The following MYPN variants were observed in gnomAD, a reference collection of about 807,000 sequenced individuals.
MYPN encodes the protein myopalladin.
MYPN carries 63 observed loss-of-function variants against 129.4 expected under a neutral mutation model. The observed-to-expected ratio is 0.49, with a 90% CI of 0.40 to 0.60. The LOEUF (loss-of-function observed/expected upper bound fraction) is 0.60. MYPN is among the 20% of genes least tolerant of loss of function. MYPN has a pLI of 0.00. For missense variants in MYPN, 1,596 were observed against 1,635.4 expected (o/e 0.98, Z 0.42); for synonymous variants, 629 against 600.9 (o/e 1.05, Z -0.68).
chr10:68,173,898 C>G (rs1265755258), intron 10 of MYPN, among the ~76,000 whole-genome samples, 168 bp from the exon 11 acceptor site: 1 of 150,542 alleles, frequency 6.6e-6, no homozygotes, highest in East Asian at 2.0e-4. Flanking sequence ...AACTCCTGGA[C>G]TCAAGTGATC....
chr10:68,147,176 A>G (rs2042680618), intron 4 of MYPN, among the ~76,000 whole-genome samples: 1 of 152,140 alleles, frequency 6.6e-6, no homozygotes, highest in South Asian at 2.1e-4. Flanking sequence ...TTATTTTGAG[A>G]CAGAGTGTTG....
At chr10:68,181,765 T>C (rs569272909) in intron 12 of MYPN, among the ~76,000 whole-genome samples, 1 of 152,190 alleles carries the variant, frequency 6.6e-6, no homozygotes, top group Admixed American at 6.5e-5. Flanking sequence ...AAGCCAAGCT[T>C]GCTCCTCACT....
upstream of MYPN, among the ~76,000 whole-genome samples, chr10:68,103,829 A>G (rs1358177111): frequency 1.3e-5 from 2 of 152,196 alleles, no homozygotes; most frequent in Non-Finnish European, 2.9e-5. Context: ...AGGCGCCTGT[A>G]ATCCCAGCTA....
chr10:68,117,311 C>T (rs2042172819), intron 1 of MYPN, among the ~76,000 whole-genome samples: 1 of 151,586 alleles, frequency 6.6e-6, no homozygotes, highest in Non-Finnish European at 1.5e-5. Context: ...ATTTATTGAC[C>T]ACCTTCTATG....
chr10:68,132,381 T>G (rs975144330), intron 2 of MYPN, among the ~76,000 whole-genome samples: 1 of 152,206 alleles, frequency 6.6e-6, no homozygotes, highest in South Asian at 2.1e-4. Context: ...TTTCAAGATT[T>G]GGTTTGCTAA....
chr10:68,150,286 A>G (rs1445780015), intron 6 of MYPN, among the ~76,000 whole-genome samples, 175 bp downstream of exon 6: 1 of 152,120 alleles, frequency 6.6e-6, no homozygotes, highest in Non-Finnish European at 1.5e-5. Context: ...CAGATTTCCA[A>G]TAACAGTTTT....
chr10:68,178,264 G>A (rs2043259016), intron 12 of MYPN, among the ~76,000 whole-genome samples: 2 of 152,134 alleles, frequency 1.3e-5, no homozygotes, highest in African/African-American at 4.8e-5. Context: ...TCTTTGAGTT[G>A]GGGATGAGCC....
At chr10:68,164,080 G>T (rs747634980) in intron 8 of MYPN, among the ~76,000 whole-genome samples, 4 of 152,210 alleles carry the variant, frequency 2.6e-5, no homozygotes, top group Non-Finnish European at 5.9e-5. Context: ...GGAGGATGAA[G>T]AGTTACTGAG....
intron 12 of MYPN, among the ~76,000 whole-genome samples, chr10:68,187,509 C>T (rs1469521738): frequency 1.3e-5 from 2 of 152,110 alleles, no homozygotes; most frequent in Non-Finnish European, 2.9e-5. Context: ...AATCACTCAA[C>T]CAAGTGGTGA....
chr10:68,141,982 G>A (rs937748486), intron 2 of MYPN, among the ~76,000 whole-genome samples: 4 of 152,162 alleles, frequency 2.6e-5, no homozygotes, highest in Non-Finnish European at 5.9e-5. Flanking sequence ...GAGGATGAAC[G>A]CCTGAATGGT....
intron 12 of MYPN, among the ~76,000 whole-genome samples, chr10:68,185,228 AGAAAGG>A (rs2043402646): frequency 6.6e-6 from 1 of 150,570 alleles, no homozygotes; most frequent in Non-Finnish European, 1.5e-5. Flanking sequence ...TGAAAAGAAA[AGAAAGG>A]AAAGGAAAGG....
At chr10:68,208,003 C>T (rs2043845169) in intron 19 of MYPN, among the ~76,000 whole-genome samples, 1 of 152,154 alleles carries the variant, frequency 6.6e-6, no homozygotes, top group Non-Finnish European at 1.5e-5. Flanking sequence ...GGAAGCAAAT[C>T]TAGGCCTTTG....
At chr10:68,116,359 A>G (rs1242776650) in intron 1 of MYPN, among the ~76,000 whole-genome samples, 1 of 152,206 alleles carries the variant, frequency 6.6e-6, no homozygotes, top group Non-Finnish European at 1.5e-5. Flanking sequence ...TTTTCATCTG[A>G]GAATCCTCAA....
chr10:68,097,982 A>G (rs1309805553), intron 1 of MYPN, among the ~76,000 whole-genome samples: 1 of 152,196 alleles, frequency 6.6e-6, no homozygotes, highest in Non-Finnish European at 1.5e-5. Flanking sequence ...ATGGTGGCTC[A>G]TGCCTGTAAT....
intron 18 of MYPN, among the ~76,000 whole-genome samples, chr10:68,206,136 T>C (rs1244503569): frequency 6.6e-6 from 1 of 152,156 alleles, no homozygotes; most frequent in African/African-American, 2.4e-5. Flanking sequence ...CCTATGGTTT[T>C]TGATCCATGG....
At chr10:68,144,440 CAT>C (rs1242228350) in intron 3 of MYPN, among the ~76,000 whole-genome samples, 2 of 152,112 alleles carry the variant, frequency 1.3e-5, no homozygotes, top group Non-Finnish European at 2.9e-5. Flanking sequence ...GTACCAAGTA[CAT>C]AGTGAGTATT....
chr10:68,090,137 G>A (rs1787292272), intron 1 of MYPN, among the ~76,000 whole-genome samples: 2 of 151,968 alleles, frequency 1.3e-5, no homozygotes, highest in Admixed American at 1.3e-4. Flanking sequence ...TCTTAACCTG[G>A]CAGAATGCTT....
At chr10:68,180,841 A>G (rs2043303087) in intron 12 of MYPN, among the ~76,000 whole-genome samples, 1 of 152,228 alleles carries the variant, frequency 6.6e-6, no homozygotes, top group South Asian at 2.1e-4. Flanking sequence ...TGCCAATTTG[A>G]AGAAACTTTT....
At chr10:68,191,774 G>A (rs2043517659) in intron 13 of MYPN, among the ~76,000 whole-genome samples, 1 of 152,074 alleles carries the variant, frequency 6.6e-6, no homozygotes, top group South Asian at 2.1e-4. Flanking sequence ...TGTAGGTATT[G>A]TAAATAGCAT....
Sources: allele counts gnomAD v4.1 joint callset (sites outside exome capture counted in the v4.1 genomes callset), GRCh38; gene constraint gnomAD v4.1.1; transcripts MANE v1.5; gene names NCBI Gene and HGNC (gene_info 2026-07-23, HGNC 2026-07-21).